IGF2BP3: variants seen among roughly 807,000 people sequenced by gnomAD.
The protein encoded by IGF2BP3 is insulin-like growth factor 2 mRNA-binding protein 3.
IGF2BP3 carries 9 observed loss-of-function variants against 73.8 expected under a neutral mutation model. That is an observed-to-expected ratio of 0.12 (90% CI 0.07 to 0.21). The LOEUF (loss-of-function observed/expected upper bound fraction) is 0.21. Ranked by LOEUF, IGF2BP3 falls within the 10% of genes least tolerant of loss-of-function variation. IGF2BP3 has a pLI of 1.00. For missense variants in IGF2BP3, 542 were observed against 714.0 expected, an observed-to-expected ratio of 0.76 and a Z score of 2.75; for synonymous variants, 258 against 256.7, an observed-to-expected ratio of 1.01 and a Z score of -0.05.
chr7:23,325,611 C>CAG (rs1784273509), intron 10 of IGF2BP3, among the ~76,000 whole-genome samples: 1 of 152,132 alleles, frequency 6.6e-6, no homozygotes, highest in Non-Finnish European at 1.5e-5. Flanking sequence ...GCCCGCATTG[C>CAG]CAAGTCAATC....
chr7:23,393,957 A>C (rs1031342599), intron 3 of IGF2BP3, among the ~76,000 whole-genome samples: 2 of 152,192 alleles, frequency 1.3e-5, no homozygotes, highest in Admixed American at 6.5e-5. Context: ...AGTTATTAGG[A>C]GGGTACACAA....
At chr7:23,407,892 A>T (rs1786887156) in intron 3 of IGF2BP3, among the ~76,000 whole-genome samples, 1 of 139,312 alleles carries the variant, frequency 7.2e-6, no homozygotes, top group Admixed American at 7.7e-5. Context: ...AAAATACCAC[A>T]ATAAAGTGGA....
chr7:23,439,726 A>T (rs1044067538), intron 2 of IGF2BP3, among the ~76,000 whole-genome samples: 2 of 152,126 alleles, frequency 1.3e-5, no homozygotes, highest in Non-Finnish European at 2.9e-5. Flanking sequence ...AGGAAGAAAA[A>T]CTCTTGGTCT....
chr7:23,331,382 ATCTT>A (rs1784439972), intron 10 of IGF2BP3, among the ~76,000 whole-genome samples: 1 of 152,208 alleles, frequency 6.6e-6, no homozygotes, highest in Non-Finnish European at 1.5e-5. Context: ...CTTTCTGAAA[ATCTT>A]TATAAAGCAC....
At chr7:23,468,736 G>A (rs1480968189) in intron 1 of IGF2BP3, among the ~76,000 whole-genome samples, 194 bp from the exon 2 acceptor site, 1 of 152,200 alleles carries the variant, frequency 6.6e-6, no homozygotes, top group African/African-American at 2.4e-5. Context: ...GCAGATGGTT[G>A]GGGAGCAGGG....
chr7:23,356,320 G>A (rs1304200558), intron 5 of IGF2BP3, among the ~76,000 whole-genome samples: 1 of 152,180 alleles, frequency 6.6e-6, no homozygotes, highest in Non-Finnish European at 1.5e-5. Flanking sequence ...CACTCTGGGA[G>A]GCCAAGGAGG....
At chr7:23,374,886 C>T (rs1290671595) in intron 3 of IGF2BP3, among the ~76,000 whole-genome samples, 1 of 152,076 alleles carries the variant, frequency 6.6e-6, no homozygotes, top group Non-Finnish European at 1.5e-5. Context: ...CGGCAGGTTC[C>T]GTGATAAATG....
At chr7:23,332,921 A>G (rs1375591413) in intron 10 of IGF2BP3, among the ~76,000 whole-genome samples, 2 of 152,234 alleles carry the variant, frequency 1.3e-5, no homozygotes, top group Non-Finnish European at 2.9e-5. Context: ...TGTCCGTATT[A>G]TGTTCTTCTG....
At chr7:23,384,582 T>C (rs1786022254) in intron 3 of IGF2BP3, among the ~76,000 whole-genome samples, 1 of 151,984 alleles carries the variant, frequency 6.6e-6, no homozygotes, top group Admixed American at 6.6e-5. Flanking sequence ...TGGCCATAAA[T>C]GGATCTTTAT....
At chr7:23,424,129 T>A (rs1338229384) in intron 2 of IGF2BP3, among the ~76,000 whole-genome samples, 20 of 147,150 alleles carry the variant, frequency 1.4e-4, no homozygotes, top group Admixed American at 9.5e-4. Context: ...AACAAAAAAA[T>A]TTTTTTTTCA....
chr7:23,458,360 G>A (rs577384335), intron 2 of IGF2BP3, among the ~76,000 whole-genome samples: 7 of 152,076 alleles, frequency 4.6e-5, no homozygotes, highest in African/African-American at 9.6e-5. Context: ...TCTCCTCACC[G>A]AGAGGTTTCA....
chr7:23,399,072 G>C (rs536244697), intron 3 of IGF2BP3, among the ~76,000 whole-genome samples: 2 of 152,260 alleles, frequency 1.3e-5, no homozygotes, highest in African/African-American at 4.8e-5. Flanking sequence ...AATCCATCTT[G>C]AATTAATTTT....
chr7:23,419,295 CA>C (rs1787279483), intron 2 of IGF2BP3, among the ~76,000 whole-genome samples: 1 of 152,186 alleles, frequency 6.6e-6, no homozygotes, highest in African/African-American at 2.4e-5. Flanking sequence ...TGAAATTTAA[CA>C]CGTCCTTCAA....
At chr7:23,444,359 C>T (rs956772879) in intron 2 of IGF2BP3, among the ~76,000 whole-genome samples, 4 of 152,056 alleles carry the variant, frequency 2.6e-5, no homozygotes, top group African/African-American at 9.7e-5. Context: ...ATATACTTTA[C>T]TCCTAAATCA....
chr7:23,445,110 T>A (rs554947927), intron 2 of IGF2BP3, among the ~76,000 whole-genome samples: 14 of 152,244 alleles, frequency 9.2e-5, no homozygotes, highest in Middle Eastern at 3.4e-3. Flanking sequence ...CTAAGTCGTA[T>A]TTTTTCTAAA....
chr7:23,408,013 A>G (rs1015197635), intron 3 of IGF2BP3, among the ~76,000 whole-genome samples: 1 of 151,532 alleles, frequency 6.6e-6, no homozygotes, highest in African/African-American at 2.4e-5. Context: ...CTACATGATA[A>G]TATCAATTCA....
At chr7:23,382,050 G>A (rs989903702) in intron 3 of IGF2BP3, among the ~76,000 whole-genome samples, 7 of 152,058 alleles carry the variant, frequency 4.6e-5, no homozygotes, top group Non-Finnish European at 8.8e-5. Flanking sequence ...AAGCTCAGGA[G>A]ACTAGCCTGG....
intron 3 of IGF2BP3, among the ~76,000 whole-genome samples, chr7:23,364,371 CT>C (rs1324063012): frequency 6.8e-6 from 1 of 147,962 alleles, no homozygotes; most frequent in East Asian, 2.1e-4. Flanking sequence ...AAGACTCCAT[CT>C]AAAAAAAAAA....
intron 3 of IGF2BP3, among the ~76,000 whole-genome samples, chr7:23,387,780 A>G (rs1352449926): frequency 3.9e-5 from 6 of 152,306 alleles, no homozygotes; most frequent in Middle Eastern, 3.4e-3. Context: ...GTTATTATAA[A>G]CACACACACA....
Sources: gnomAD v4.1 joint callset for allele counts (sites outside exome capture counted in the v4.1 genomes callset) on GRCh38, gnomAD v4.1.1 for gene constraint, MANE v1.5 for transcripts, NCBI Gene and HGNC (gene_info 2026-07-23, HGNC 2026-07-21) for gene names.